MAGI3: variants seen among roughly 807,000 people sequenced by gnomAD.
The protein encoded by MAGI3 is membrane associated guanylate kinase, WW and PDZ domain containing 3.
Under a neutral mutation model 121.8 loss-of-function variants are expected in MAGI3, and 43 were observed. That is an observed-to-expected ratio of 0.35 (90% CI 0.28 to 0.46). MAGI3 has a LOEUF of 0.46. Ranked by LOEUF, MAGI3 falls within the 20% of genes least tolerant of loss-of-function variation. The pLI, the probability that MAGI3 is intolerant of heterozygous loss-of-function variation, is 1.00. For synonymous variants in MAGI3, 553 were observed against 639.3 expected, an observed-to-expected ratio of 0.86 and a Z score of 2.04; for missense variants, 1,547 against 1,797.3, an observed-to-expected ratio of 0.86 and a Z score of 2.52.
intron 2 of MAGI3, among the ~76,000 whole-genome samples, chr1:113,553,495 C>T (rs1659864853): frequency 6.6e-6 from 1 of 152,148 alleles, no homozygotes; most frequent in Non-Finnish European, 1.5e-5. Flanking sequence ...CCAGAGCTTA[C>T]CCAGGGGCCA....
chr1:113,672,687 C>T lies in MAGI3; in HGVS notation c.2991C>T (p.His997=). The change falls in exon 18 of 21, where the codon CAC becomes CAT. Residue 997 remains histidine, a synonymous_variant. Coordinates refer to ENST00000307546, the MANE Select transcript of MAGI3 (RefSeq NM_001142782.2). ...GACATTCTTGGTCAGACCACAAGCACCTTGCACAGCCTGACACCGCAGTAA... is the reference window on the plus strand; with the variant it reads ...GACATTCTTGGTCAGACCACAAGCATCTTGCACAGCCTGACACCGCAGTAA... ...SYRHSWSDHK[H]LAQPDTAVIS... is the part of the protein sequence containing the mutation. The T allele has an allele frequency of 6.2e-7, 1 of 1,614,034 alleles. No homozygotes were observed. Among genetic ancestry groups the T allele is most frequent in the Non-Finnish European group, 8.5e-7 (1 of 1,179,974 alleles).
At chr1:113,595,017 G>T (rs1648911470) in intron 6 of MAGI3, among the ~76,000 whole-genome samples, 1 of 152,166 alleles carries the variant, frequency 6.6e-6, no homozygotes, top group South Asian at 2.1e-4. Flanking sequence ...TTCAAGGAAA[G>T]TCTTTAATAT....
intron 11 of MAGI3, among the ~76,000 whole-genome samples, chr1:113,645,114 G>A (rs548397058): frequency 7.0e-5 from 10 of 143,748 alleles, no homozygotes; most frequent in East Asian, 4.4e-4. Context: ...AGCCTCTGCC[G>A]CCTAGGTTCA....
At chr1:113,453,182 T>C (rs754753609) in intron 1 of MAGI3, among the ~76,000 whole-genome samples, 1 of 152,266 alleles carries the variant, frequency 6.6e-6, no homozygotes, top group East Asian at 1.9e-4. Context: ...ACAATTAAGA[T>C]AGGGAATTAC....
At chr1:113,651,451 C>A (rs1430487357) in intron 14 of MAGI3, among the ~76,000 whole-genome samples, 1 of 152,140 alleles carries the variant, frequency 6.6e-6, no homozygotes, top group Non-Finnish European at 1.5e-5. Context: ...ATGCATTTTG[C>A]AAATGTATTA....
At chr1:113,418,888 C>T (rs1364813362) in intron 1 of MAGI3, among the ~76,000 whole-genome samples, 1 of 152,064 alleles carries the variant, frequency 6.6e-6, no homozygotes, top group Admixed American at 6.6e-5. Flanking sequence ...TGTAGAACAA[C>T]TTTAAAGATT....
At chr1:113,523,141 G>A (rs575290597) in intron 1 of MAGI3, among the ~76,000 whole-genome samples, 13 of 152,236 alleles carry the variant, frequency 8.5e-5, no homozygotes, top group East Asian at 7.7e-4. Flanking sequence ...CATGTGAGAC[G>A]TGCCTTTCAC....
At chr1:113,592,769 T>C (rs1312828668) in intron 5 of MAGI3, among the ~76,000 whole-genome samples, 1 of 152,056 alleles carries the variant, frequency 6.6e-6, no homozygotes. Flanking sequence ...TCCCAGCACT[T>C]TGGGAGGCCG....
chr1:113,560,386 CA>C (rs1322044977), intron 2 of MAGI3, among the ~76,000 whole-genome samples: 1 of 147,794 alleles, frequency 6.8e-6, no homozygotes. Flanking sequence ...AAAAAACAAA[CA>C]AAAAAACAAA....
chr1:113,437,876 TTC>T (rs1653689095), intron 1 of MAGI3, among the ~76,000 whole-genome samples: 11 of 3,270 alleles, frequency 3.4e-3, no homozygotes, highest in Admixed American at 5.2e-3. Flanking sequence ...CTTCTTCTTC[TTC>T]TCCTTCTCCT....
chr1:113,544,932 G>A (rs1279185726), intron 1 of MAGI3, among the ~76,000 whole-genome samples: 3 of 151,734 alleles, frequency 2.0e-5, no homozygotes, highest in Non-Finnish European at 4.4e-5. Flanking sequence ...AATATGAGAA[G>A]ATGGAGTATC....
chr1:113,407,888 A>G (rs1343101341), intron 1 of MAGI3, among the ~76,000 whole-genome samples: 1 of 152,206 alleles, frequency 6.6e-6, no homozygotes, highest in Non-Finnish European at 1.5e-5. Context: ...CAAAAGATGT[A>G]GTACTACAGT....
intron 9 of MAGI3, among the ~76,000 whole-genome samples, chr1:113,635,863 T>C (rs1481927661): frequency 6.6e-6 from 1 of 151,868 alleles, no homozygotes; most frequent in East Asian, 1.9e-4. Context: ...TCCTGGACTC[T>C]TTTTGGTTGG....
intron 1 of MAGI3, among the ~76,000 whole-genome samples, chr1:113,526,342 A>G (rs1210440610): frequency 2.0e-5 from 3 of 152,256 alleles, no homozygotes; most frequent in Non-Finnish European, 1.5e-5. Flanking sequence ...AGACCTCTCC[A>G]AAGATATAGT....
At chr1:113,679,552 CATT>C (rs1648088854) in intron 19 of MAGI3, among the ~76,000 whole-genome samples, 1 of 152,110 alleles carries the variant, frequency 6.6e-6, no homozygotes, top group African/African-American at 2.4e-5. Context: ...TCAGTACCAT[CATT>C]ATGTTTAATT....
intron 1 of MAGI3, among the ~76,000 whole-genome samples, chr1:113,413,453 A>G (rs950063358): frequency 2.0e-5 from 3 of 152,292 alleles, no homozygotes; most frequent in Non-Finnish European, 4.4e-5. Context: ...CATTTAATCT[A>G]TAAATTACTT....
chr1:113,440,134 T>C (rs1451444156), intron 1 of MAGI3, among the ~76,000 whole-genome samples: 1 of 152,186 alleles, frequency 6.6e-6, no homozygotes, highest in Non-Finnish European at 1.5e-5. Flanking sequence ...TAGAGGATTA[T>C]TGTGAGAATT....
intron 1 of MAGI3, among the ~76,000 whole-genome samples, chr1:113,447,550 G>A (rs1033253850): frequency 3.3e-5 from 5 of 151,954 alleles, no homozygotes; most frequent in African/African-American, 1.2e-4. Context: ...AATAAAACTG[G>A]GAAATTAAAA....
chr1:113,625,007 T>A (rs1177301613), intron 9 of MAGI3, among the ~76,000 whole-genome samples: 1 of 152,112 alleles, frequency 6.6e-6, no homozygotes, highest in East Asian at 1.9e-4. Context: ...TGAAAATGAG[T>A]TCATTGTAGG....
Sources: allele counts gnomAD v4.1 joint callset (sites outside exome capture counted in the v4.1 genomes callset), GRCh38; gene constraint gnomAD v4.1.1; transcripts MANE v1.5; gene names NCBI Gene and HGNC (gene_info 2026-07-23, HGNC 2026-07-21).